Variants in PTPRK observed in about 807,000 individuals in gnomAD.
PTPRK encodes protein tyrosine phosphatase receptor type K.
In PTPRK, 75 loss-of-function variants were observed where a neutral mutation model predicts 178.0. That is an observed-to-expected ratio of 0.42 (90% CI 0.35 to 0.51). The LOEUF (loss-of-function observed/expected upper bound fraction) is 0.51. Among genes scored for constraint, PTPRK ranks in the 20% least tolerant of loss-of-function variants. The pLI is 0.02. For missense variants in PTPRK, 1,441 were observed against 1,797.8 expected (o/e 0.80, Z 3.59); for synonymous variants, 637 against 620.6 (o/e 1.03, Z -0.39).
intron 1 of PTPRK, among the ~76,000 whole-genome samples, chr6:128,428,019 G>T (rs1844376481): frequency 6.6e-6 from 1 of 152,134 alleles, no homozygotes; most frequent in African/African-American, 2.4e-5. Flanking sequence ...CTTGAACCCG[G>T]GAGGCGGAGA....
At chr6:128,400,672 C>T (rs1840899359) in intron 1 of PTPRK, among the ~76,000 whole-genome samples, 1 of 152,170 alleles carries the variant, frequency 6.6e-6, no homozygotes, top group Non-Finnish European at 1.5e-5. Context: ...CCATCATATA[C>T]AGTTCCTATT....
rs889033845 is a variant in PTPRK, at chr6:128,056,289, T to C, written c.2194+8469A>G. 2.0e-5 allele frequency among the ~76,000 whole-genome samples: 3 copies of C among 152,170 alleles called. 1 individual carries two copies. Among genetic ancestry groups the C allele is most frequent in the South Asian group, 4.1e-4 (2 of 4,834 alleles). On this transcript the variant is annotated intron_variant, in intron 13 of 29. Transcript: ENST00000368226. ...TTTAAGGGGCCTAAGGTCAGATTTCTATACTTACTTAAACTTCTGTTCAAT... is the reference window on the plus strand; with the variant it reads ...TTTAAGGGGCCTAAGGTCAGATTTCCATACTTACTTAAACTTCTGTTCAAT...
Position 128,472,132 on chromosome 6 carries a change from C to A in PTPRK, c.100+48127G>T, listed in dbSNP as rs558025668. On this transcript the variant is annotated intron_variant, in intron 1 of 29. Coordinates refer to ENST00000368226, the MANE Select transcript of PTPRK (RefSeq NM_002844.4). ...ATCTCTCCAAGGCTGCTTCTTCCCT[C>A]CAGAGAGGATAAAGCCAAGTGAAAT... is the stretch of plus-strand genomic sequence containing the variant. Among the ~76,000 whole-genome samples, 43 of 152,180 alleles carry A rather than the reference C, an allele frequency of 2.8e-4. 1 individual carries two copies. Among genetic ancestry groups the A allele is most frequent in the African/African-American group, 1.0e-3 (42 of 41,534 alleles).
chr6:128,023,609 C>A (rs1032397271), intron 13 of PTPRK, among the ~76,000 whole-genome samples: 1 of 152,114 alleles, frequency 6.6e-6, no homozygotes, highest in Non-Finnish European at 1.5e-5. Context: ...ACCAAACTAT[C>A]ATTTCTCACC....
At chr6:128,005,917 C>A in intron 14 of PTPRK, 1 of 827,778 alleles carries the variant, frequency 1.2e-6, no homozygotes, top group Non-Finnish European at 1.7e-6. Context: ...TCTGAAAAAA[C>A]TTTTTTTTTG....
At chr6:128,172,043 A>G (rs1800341507) in intron 7 of PTPRK, among the ~76,000 whole-genome samples, 3 of 151,976 alleles carry the variant, frequency 2.0e-5, no homozygotes, top group Admixed American at 2.0e-4. Flanking sequence ...TGATTTGACT[A>G]AGCAGAGCTT....
In PTPRK at chr6:128,299,480, G is replaced by A. The variant is rs542039545; in HGVS notation, c.495+22559C>T. Among the ~76,000 whole-genome samples, 8 of 151,902 alleles carry A rather than the reference G, an allele frequency of 5.3e-5. No homozygotes were observed. In the South Asian group the frequency reaches 8.3e-4, roughly 16 times the overall value. The stretch of plus-strand genomic sequence containing the variant: ...TACCTGACTTCAAACTATACTACAA[G>A]GCTACAGTAACCAAAACAGCATGGT... On this transcript the variant is annotated intron_variant, in intron 3 of 29. Coordinates refer to ENST00000368226, the MANE Select transcript of PTPRK (RefSeq NM_002844.4).
At chr6:128,354,436 C>T (rs1369651317) in intron 2 of PTPRK, among the ~76,000 whole-genome samples, 2 of 151,522 alleles carry the variant, frequency 1.3e-5, no homozygotes, top group African/African-American at 2.4e-5. Flanking sequence ...GGGGTTTCAC[C>T]GTGTTAGCCA....
At chr6:128,102,421 G>A in intron 7 of PTPRK, among the ~76,000 whole-genome samples, 1 of 152,154 alleles carries the variant, frequency 6.6e-6, no homozygotes, top group Non-Finnish European at 1.5e-5. Context: ...AAAGTCTTAA[G>A]ACAGGAAAAA....
intron 3 of PTPRK, among the ~76,000 whole-genome samples, chr6:128,245,092 A>G (rs1021704490): frequency 6.6e-6 from 1 of 152,168 alleles, no homozygotes; most frequent in African/African-American, 2.4e-5. Flanking sequence ...ACACACACAT[A>G]AATTGATTTA....
At chr6:128,319,235 C>G (rs1485043150) in intron 3 of PTPRK, among the ~76,000 whole-genome samples, 1 of 152,112 alleles carries the variant, frequency 6.6e-6, no homozygotes, top group African/African-American at 2.4e-5. Flanking sequence ...TTTTTGCTTT[C>G]CCCACTGCAT....
intron 3 of PTPRK, among the ~76,000 whole-genome samples, chr6:128,305,012 A>AT (rs141878619): frequency 1.3e-5 from 2 of 152,042 alleles, no homozygotes; most frequent in African/African-American, 4.8e-5. Flanking sequence ...TTCTTAAATA[A>AT]TTTTTTTTCT....
intron 7 of PTPRK, among the ~76,000 whole-genome samples, chr6:128,103,930 A>G (rs1562589742): frequency 6.6e-6 from 1 of 152,028 alleles, no homozygotes; most frequent in Non-Finnish European, 1.5e-5. Context: ...GTCTCCCCAC[A>G]CCATCTCACC....
chr6:127,971,645 G>A (rs754903104), intron 29 of PTPRK, among the ~76,000 whole-genome samples: 1 of 152,092 alleles, frequency 6.6e-6, no homozygotes, highest in Non-Finnish European at 1.5e-5. Context: ...GGGTGTTCAG[G>A]ATTCACGGGA....
intron 13 of PTPRK, among the ~76,000 whole-genome samples, chr6:128,040,460 A>T (rs2114833590): frequency 6.6e-6 from 1 of 152,178 alleles, no homozygotes; most frequent in Non-Finnish European, 1.5e-5. Flanking sequence ...GAGGTATACA[A>T]GAACCAGGAA....
intron 1 of PTPRK, among the ~76,000 whole-genome samples, chr6:128,474,301 C>A (rs569274107): frequency 1.3e-5 from 2 of 152,034 alleles, no homozygotes; most frequent in South Asian, 2.1e-4. Context: ...ATGAAGGGTT[C>A]TCATATGAAA....
rs115054078 is a variant in PTPRK at position 128,427,464 on chromosome 6, C to A, written c.101-29776G>T. Reference sequence around the variant, plus strand: ...ATCAACCCTATCAATAAGCACACTTCTTTGTGCCATTGCTGACAATCAGAA... The same window carrying A: ...ATCAACCCTATCAATAAGCACACTTATTTGTGCCATTGCTGACAATCAGAA... On this transcript the variant is annotated intron_variant, in intron 1 of 29. Coordinates refer to ENST00000368226, the MANE Select transcript of PTPRK (RefSeq NM_002844.4). 2.4e-3 allele frequency among the ~76,000 whole-genome samples: 366 copies of A among 152,306 alleles called. 1 individual carries two copies. Among genetic ancestry groups the A allele is most frequent in the African/African-American group, 8.6e-3 (357 of 41,578 alleles).
At chr6:128,389,355 T>A (rs1212205731) in intron 2 of PTPRK, among the ~76,000 whole-genome samples, 1 of 151,410 alleles carries the variant, frequency 6.6e-6, no homozygotes, top group Non-Finnish European at 1.5e-5. Flanking sequence ...TATATATTTT[T>A]AATAATTCCT....
chr6:128,285,309 G>A (rs557611982), intron 3 of PTPRK, among the ~76,000 whole-genome samples: 167 of 151,492 alleles, frequency 1.1e-3, no homozygotes, highest in Admixed American at 4.3e-3. Context: ...GAGGTCAGGA[G>A]TTTGAGACCA....
Sources: gnomAD v4.1 joint callset for allele counts (sites outside exome capture counted in the v4.1 genomes callset) on GRCh38, gnomAD v4.1.1 for gene constraint, MANE v1.5 for transcripts, NCBI Gene and HGNC (gene_info 2026-07-23, HGNC 2026-07-21) for gene names.